MAGI2: variants seen among roughly 807,000 people sequenced by gnomAD.
The protein encoded by MAGI2 is membrane associated guanylate kinase, WW and PDZ domain containing 2.
A neutral mutation model predicts 133.3 loss-of-function variants in MAGI2; 35 were observed. The ratio of observed to expected loss-of-function variants is 0.26; its 90% CI spans 0.20 to 0.35. MAGI2 has a LOEUF of 0.35. MAGI2 is among the 10% of genes least tolerant of loss of function. The pLI is 1.00. For missense variants in MAGI2, 1,636 were observed against 1,863.4 expected, an observed-to-expected ratio of 0.88 and a Z score of 2.25; for synonymous variants, 729 against 710.6, an observed-to-expected ratio of 1.03 and a Z score of -0.41.
intron 6 of MAGI2, among the ~76,000 whole-genome samples, chr7:78,442,795 A>G (rs1389172770): frequency 3.3e-5 from 5 of 152,204 alleles, no homozygotes; most frequent in African/African-American, 1.2e-4. Flanking sequence ...CATTAAAACT[A>G]TTTGATTTGG....
At chr7:79,317,584 A>G (rs966499318) in intron 1 of MAGI2, among the ~76,000 whole-genome samples, 4 of 152,232 alleles carry the variant, frequency 2.6e-5, no homozygotes, top group Non-Finnish European at 5.9e-5. Context: ...TAATCGATAT[A>G]AAAATTTCAA....
intron 1 of MAGI2, among the ~76,000 whole-genome samples, chr7:79,309,413 A>T (rs1471048781): frequency 6.6e-6 from 1 of 150,434 alleles, no homozygotes; most frequent in Non-Finnish European, 1.5e-5. Flanking sequence ...TATAATATAG[A>T]TATGATTTAG....
intron 20 of MAGI2, among the ~76,000 whole-genome samples, chr7:78,095,916 C>G (rs1228961657): frequency 6.6e-6 from 1 of 152,130 alleles, no homozygotes; most frequent in Non-Finnish European, 1.5e-5. Flanking sequence ...AGAATAAAAA[C>G]AGGGAACTAG....
At chr7:79,244,863 G>A (rs1407539973) in intron 1 of MAGI2, among the ~76,000 whole-genome samples, 1 of 152,176 alleles carries the variant, frequency 6.6e-6, no homozygotes, top group Non-Finnish European at 1.5e-5. Context: ...CCTTTCACTT[G>A]AGGAGTGGGG....
intron 2 of MAGI2, among the ~76,000 whole-genome samples, chr7:78,884,754 C>A (rs534824542): frequency 6.6e-6 from 1 of 152,276 alleles, no homozygotes; most frequent in South Asian, 2.1e-4. Context: ...CTATAGAAAG[C>A]AGTTTGGGGA....
At chr7:79,268,421 A>T (rs140781854) in intron 1 of MAGI2, among the ~76,000 whole-genome samples, 84 of 152,334 alleles carry the variant, frequency 5.5e-4, no homozygotes, top group African/African-American at 1.9e-3. Context: ...ATGTATTAAG[A>T]ATCTTCATGC....
chr7:78,156,627 A>G (rs1185754811), intron 16 of MAGI2, among the ~76,000 whole-genome samples: 2 of 152,114 alleles, frequency 1.3e-5, no homozygotes, highest in Non-Finnish European at 2.9e-5. Flanking sequence ...CTGAGGCCCA[A>G]AGAGGTCATG....
intron 1 of MAGI2, among the ~76,000 whole-genome samples, chr7:79,119,320 C>T (rs902809812): frequency 5.9e-5 from 9 of 151,964 alleles, no homozygotes; most frequent in Non-Finnish European, 1.3e-4. Flanking sequence ...TTCAAAGCAA[C>T]GGTATGAATC....
intron 6 of MAGI2, among the ~76,000 whole-genome samples, chr7:78,458,796 G>A (rs1273023134): frequency 6.6e-6 from 1 of 151,990 alleles, no homozygotes; most frequent in African/African-American, 2.4e-5. Flanking sequence ...CACCACGCCT[G>A]GCTAATTTTT....
intron 2 of MAGI2, among the ~76,000 whole-genome samples, chr7:78,953,109 T>A (rs1399880133): frequency 6.6e-6 from 1 of 152,214 alleles, no homozygotes; most frequent in Non-Finnish European, 1.5e-5. Flanking sequence ...AGTTACTATC[T>A]GAAACATTCT....
intron 2 of MAGI2, among the ~76,000 whole-genome samples, chr7:78,945,403 A>T (rs924349698): frequency 5.3e-5 from 8 of 152,142 alleles, no homozygotes; most frequent in Non-Finnish European, 1.2e-4. Context: ...TTTTTCTTAT[A>T]ATGTACAAAA....
chr7:79,374,920 G>A (rs556534506), intron 1 of MAGI2, among the ~76,000 whole-genome samples: 1 of 151,850 alleles, frequency 6.6e-6, no homozygotes, highest in East Asian at 1.9e-4. Flanking sequence ...TGATTGCCCA[G>A]GTTCACCAGT....
At chr7:78,951,060 C>T (rs923954653) in intron 2 of MAGI2, among the ~76,000 whole-genome samples, 1 of 151,522 alleles carries the variant, frequency 6.6e-6, no homozygotes, top group Admixed American at 6.6e-5. Flanking sequence ...CACCTCCCAC[C>T]TCCTGGGTTC....
intron 2 of MAGI2, among the ~76,000 whole-genome samples, chr7:78,707,057 C>T (rs978661843): frequency 6.6e-6 from 1 of 152,044 alleles, no homozygotes; most frequent in African/African-American, 2.4e-5. Flanking sequence ...AAGAAACTAA[C>T]AACTACTAAA....
chr7:78,827,155 C>T (rs1790733808), intron 2 of MAGI2, among the ~76,000 whole-genome samples: 1 of 152,160 alleles, frequency 6.6e-6, no homozygotes, highest in Admixed American at 6.5e-5. Flanking sequence ...CATCTATTTT[C>T]TTGCTGTCAC....
chr7:78,432,843 A>T (rs540136066), intron 6 of MAGI2, among the ~76,000 whole-genome samples: 2 of 152,168 alleles, frequency 1.3e-5, no homozygotes, highest in African/African-American at 4.8e-5. Context: ...TATATAAAGC[A>T]CTCATTTTCA....
intron 6 of MAGI2, among the ~76,000 whole-genome samples, chr7:78,402,283 T>G (rs1405612498): frequency 6.6e-6 from 1 of 151,512 alleles, no homozygotes; most frequent in African/African-American, 2.4e-5. Context: ...ACCTGGGATG[T>G]GTATGTGTGT....
At chr7:79,268,799 A>G (rs1006904693) in intron 1 of MAGI2, among the ~76,000 whole-genome samples, 1 of 152,168 alleles carries the variant, frequency 6.6e-6, no homozygotes, top group African/African-American at 2.4e-5. Flanking sequence ...AAGAAATAAC[A>G]TAACAGCTAA....
intron 10 of MAGI2, among the ~76,000 whole-genome samples, chr7:78,231,251 A>T (rs1789938481): frequency 6.6e-6 from 1 of 152,198 alleles, no homozygotes; most frequent in Non-Finnish European, 1.5e-5. Context: ...GAAAGAAAAG[A>T]TCTGAGGCAA....
Sources: allele counts gnomAD v4.1 joint callset (sites outside exome capture counted in the v4.1 genomes callset), GRCh38; gene constraint gnomAD v4.1.1; transcripts MANE v1.5; gene names NCBI Gene and HGNC (gene_info 2026-07-23, HGNC 2026-07-21).